AK3: variants seen among roughly 807,000 people sequenced by gnomAD.
AK3 encodes adenylate kinase 3.
AK3 carries 27 observed loss-of-function variants against 23.7 expected under a neutral mutation model. That is an observed-to-expected ratio of 1.14 (90% CI 0.84 to 1.57). The LOEUF (loss-of-function observed/expected upper bound fraction) is 1.57, where lower values mean the gene tolerates loss of function less well. Ranked by LOEUF, AK3 falls within the 40% of genes most tolerant of loss-of-function variation. The pLI, the probability that AK3 is intolerant of heterozygous loss-of-function variation, is 0.00. For missense variants in AK3, 406 were observed against 285.6 expected, an observed-to-expected ratio of 1.42 and a Z score of -3.04; for synonymous variants, 159 against 116.0, an observed-to-expected ratio of 1.37 and a Z score of -2.38.
chr9:4,727,202 G>A (rs1393298442), intron 1 of AK3, among the ~76,000 whole-genome samples: 2 of 152,176 alleles, frequency 1.3e-5, no homozygotes, highest in African/African-American at 4.8e-5. Context: ...TCAACTTAAA[G>A]TCACCAGCTG....
intron 2 of AK3, among the ~76,000 whole-genome samples, chr9:4,719,732 C>T (rs913641674): frequency 2.0e-5 from 3 of 152,158 alleles, no homozygotes; most frequent in Non-Finnish European, 4.4e-5. Flanking sequence ...CAGGACTTTT[C>T]CCGCCTTTAA....
chr9:4,741,359 C>T (rs1476900977), upstream of AK3: 5 of 315,992 alleles, frequency 1.6e-5, no homozygotes, highest in African/African-American at 9.1e-5. Flanking sequence ...CCGCGCAAGC[C>T]GCGCCCCCTC....
chr9:4,737,300 T>G (rs567297416), intron 1 of AK3, among the ~76,000 whole-genome samples: 27 of 152,276 alleles, frequency 1.8e-4, no homozygotes, highest in African/African-American at 6.5e-4. Flanking sequence ...CTCATGAATC[T>G]CATCGTCTAA....
chr9:4,720,222 G>T (rs375420404), intron 2 of AK3, among the ~76,000 whole-genome samples: 2 of 152,102 alleles, frequency 1.3e-5, no homozygotes, highest in Non-Finnish European at 2.9e-5. Context: ...CAGAGAGACA[G>T]GCAAATGTAC....
intron 1 of AK3, among the ~76,000 whole-genome samples, chr9:4,725,566 C>T (rs1477049236): frequency 2.6e-5 from 4 of 151,758 alleles, no homozygotes; most frequent in African/African-American, 9.7e-5. Context: ...GTCAGGAGTT[C>T]GAGACCAGCC....
chr9:4,738,611 AG>A (rs1251462266), intron 1 of AK3, among the ~76,000 whole-genome samples: 1 of 130,786 alleles, frequency 7.6e-6, no homozygotes, highest in Admixed American at 7.9e-5. Flanking sequence ...AAAAAGAAAA[AG>A]AAAAAAAAAG....
At chr9:4,738,067 G>C (rs1842337918) in intron 1 of AK3, among the ~76,000 whole-genome samples, 1 of 152,210 alleles carries the variant, frequency 6.6e-6, no homozygotes, top group South Asian at 2.1e-4. Flanking sequence ...AAATGTTTAT[G>C]TGCAGGGATA....
rs1333882364 is a variant in AK3, at chr9:4,722,567, G to A, written c.210C>T (p.Val70=). Residue 70 remains valine (V), a synonymous_variant, in exon 2 of 5, where the codon GTC becomes GTT. Coordinates refer to ENST00000381809, the MANE Select transcript of AK3 (RefSeq NM_016282.4). The part of the protein sequence containing the change: ...IDQGKLIPDD[V]MTRLALHELK... ...GCTCATGAAGGGCCAGCCGAGTCAT[G>A]ACATCATCTGGGATGAGTTTCCCTT... is the stretch of plus-strand genomic sequence containing the variant. 2 of 1,614,090 alleles carry A rather than the reference G, an allele frequency of 1.2e-6. No individual in the cohort carries two copies. Among genetic ancestry groups the A allele is most frequent in the Non-Finnish European group, 1.7e-6 (2 of 1,180,036 alleles).
intron 1 of AK3, among the ~76,000 whole-genome samples, chr9:4,723,731 G>A (rs569385607): frequency 7.9e-5 from 12 of 152,116 alleles, no homozygotes; most frequent in East Asian, 3.9e-4. Flanking sequence ...AAGATATTTC[G>A]AAATAAATAT....
intron 4 of AK3, 104 bp downstream of exon 4, chr9:4,718,315 C>T (rs1476868080): frequency 6.1e-6 from 5 of 822,210 alleles, no homozygotes; most frequent in Non-Finnish European, 1.0e-5. Flanking sequence ...CCCATGTGAA[C>T]TGGGTCTTTT....
intron 1 of AK3, among the ~76,000 whole-genome samples, chr9:4,726,210 G>A (rs1412693963): frequency 6.6e-6 from 1 of 152,128 alleles, no homozygotes; most frequent in African/African-American, 2.4e-5. Flanking sequence ...TCAGGATGGA[G>A]GTTGCTAAAT....
chr9:4,726,643 G>T (rs1340510456), intron 1 of AK3, among the ~76,000 whole-genome samples: 2 of 151,834 alleles, frequency 1.3e-5, no homozygotes, highest in African/African-American at 4.8e-5. Flanking sequence ...CTGAAGGCTT[G>T]AACCCCTTAA....
chr9:4,713,185 T>G, intron 4 of AK3, 89 bp from the exon 5 acceptor site: 1 of 1,508,900 alleles, frequency 6.6e-7, no homozygotes, highest in Admixed American at 1.9e-5. Flanking sequence ...ATAATGATAT[T>G]GTAGATATAG....
intron 1 of AK3, among the ~76,000 whole-genome samples, chr9:4,725,053 A>G (rs2183670): frequency 0.47 from 66,460 of 141,400 alleles, 17,792 homozygotes; most frequent in East Asian, 0.75. Context: ...ATGGAGTCTC[A>G]CTCTTGTCAC....
intron 1 of AK3, among the ~76,000 whole-genome samples, chr9:4,723,256 T>C (rs1330500430): frequency 6.6e-6 from 1 of 152,238 alleles, no homozygotes; most frequent in Non-Finnish European, 1.5e-5. Context: ...TACTTTTCTG[T>C]ATTTTCTACC....
intron 2 of AK3, among the ~76,000 whole-genome samples, chr9:4,720,643 T>G (rs1172671629): frequency 1.3e-5 from 2 of 148,964 alleles, no homozygotes; most frequent in African/African-American, 2.5e-5. Flanking sequence ...TAAGCCATGA[T>G]GACTCCATTG....
intron 2 of AK3, among the ~76,000 whole-genome samples, chr9:4,719,660 A>G (rs1447021786): frequency 2.6e-5 from 4 of 152,178 alleles, no homozygotes; most frequent in Non-Finnish European, 5.9e-5. Flanking sequence ...GAGTAGAACA[A>G]AAGGCTGACC....
chr9:4,713,399 T>G (rs1841615008), intron 4 of AK3, among the ~76,000 whole-genome samples: 1 of 152,218 alleles, frequency 6.6e-6, no homozygotes, highest in South Asian at 2.1e-4. Flanking sequence ...TATTATAGTT[T>G]GTTTAATCCT....
At chr9:4,722,650 C>T (rs1056847522) in intron 1 of AK3, 25 bp from the exon 2 acceptor site, 11 of 1,613,884 alleles carry the variant, frequency 6.8e-6, no homozygotes, top group African/African-American at 4.0e-5. Context: ...GGAAAAAAAT[C>T]AGTAAGTGCA....
Sources: gnomAD v4.1 joint callset for allele counts (sites outside exome capture counted in the v4.1 genomes callset) on GRCh38, gnomAD v4.1.1 for gene constraint, MANE v1.5 for transcripts, NCBI Gene and HGNC (gene_info 2026-07-23, HGNC 2026-07-21) for gene names.